The following CYRIB variants were observed in gnomAD, a reference collection of about 807,000 sequenced individuals.
CYRIB encodes CYFIP related Rac1 interactor B.
A neutral mutation model predicts 44.2 loss-of-function variants in CYRIB; 8 were observed. The observed-to-expected ratio is 0.18, with a 90% CI of 0.11 to 0.33. The LOEUF is 0.33. CYRIB is among the 10% of genes least tolerant of loss of function. The probability of loss-of-function intolerance (pLI) is 1.00; values close to 1 mark genes in which losing one functional copy is unlikely to be tolerated. For synonymous variants in CYRIB, 131 were observed against 127.2 expected (o/e 1.03, Z -0.20); for missense variants, 185 against 382.8 (o/e 0.48, Z 4.31).
intron 1 of CYRIB, among the ~76,000 whole-genome samples, chr8:129,906,655 G>A (rs1396369388): frequency 3.9e-5 from 6 of 152,178 alleles, no homozygotes; most frequent in African/African-American, 9.7e-5. Context: ...TACCATCAGA[G>A]TGAACAGGCA....
At chr8:129,999,111 A>G in intron 1 of CYRIB, among the ~76,000 whole-genome samples, 1 of 151,630 alleles carries the variant, frequency 6.6e-6, no homozygotes, top group Non-Finnish European at 1.5e-5. Flanking sequence ...GAATTGTCCC[A>G]TGCTCTGAGA....
intron 1 of CYRIB, among the ~76,000 whole-genome samples, chr8:129,989,746 T>G (rs1044146304): frequency 6.0e-5 from 9 of 151,180 alleles, no homozygotes; most frequent in African/African-American, 2.2e-4. Context: ...CTGCACCCAT[T>G]AACTCGTCAT....
intron 2 of CYRIB, among the ~76,000 whole-genome samples, chr8:129,884,246 A>T (rs1473611948): frequency 6.6e-6 from 1 of 152,098 alleles, no homozygotes; most frequent in Non-Finnish European, 1.5e-5. Flanking sequence ...AAGATTTCTA[A>T]GTTTCGGATG....
chr8:129,985,014 C>T (rs992658993), intron 1 of CYRIB, among the ~76,000 whole-genome samples: 6 of 152,150 alleles, frequency 3.9e-5, no homozygotes, highest in African/African-American at 1.4e-4. Flanking sequence ...CAGGTGATCG[C>T]CTGCCTCGGC....
chr8:129,918,751 T>C lies in CYRIB; in HGVS notation c.-49-15401A>G, dbSNP rs530841503. Among the ~76,000 whole-genome samples, 12 of 152,298 alleles carry C rather than the reference T, an allele frequency of 7.9e-5. No homozygotes were observed. In the East Asian group the frequency reaches 2.1e-3, roughly 27 times the overall value. On this transcript the variant is annotated intron_variant, in intron 1 of 11. Transcript: ENST00000519824. ...CTGAAACATCACAGTCTCCAAAGTA[T>C]AGATGCTGAATGAGTGAATAAGCAA...
chr8:129,978,201 C>A (rs1234369914), intron 1 of CYRIB, among the ~76,000 whole-genome samples: 1 of 152,146 alleles, frequency 6.6e-6, no homozygotes, highest in Non-Finnish European at 1.5e-5. Context: ...GCCACCGTGC[C>A]CAGTCTAATT....
intron 6 of CYRIB, among the ~76,000 whole-genome samples, chr8:129,854,750 T>G (rs983657266): frequency 3.3e-5 from 5 of 152,246 alleles, no homozygotes; most frequent in African/African-American, 1.2e-4. Flanking sequence ...TGCTGAAGTT[T>G]GGAATCCAGC....
At chr8:129,887,652 G>C (rs968876457) in intron 2 of CYRIB, among the ~76,000 whole-genome samples, 1 of 152,220 alleles carries the variant, frequency 6.6e-6, no homozygotes, top group Non-Finnish European at 1.5e-5. Flanking sequence ...GAGCAAGAGG[G>C]GCAGAGCTGC....
At chr8:129,869,866 C>T (rs929273104) in intron 4 of CYRIB, among the ~76,000 whole-genome samples, 9 of 151,640 alleles carry the variant, frequency 5.9e-5, no homozygotes, top group African/African-American at 1.9e-4. Context: ...GAGATAAACA[C>T]TCAATAGTAA....
intron 4 of CYRIB, among the ~76,000 whole-genome samples, chr8:129,866,809 T>C (rs1349049998): frequency 1.3e-5 from 2 of 152,342 alleles, no homozygotes; most frequent in East Asian, 1.9e-4. Flanking sequence ...CTGAAGACAC[T>C]GGCTGCTCTC....
At chr8:130,006,639 TGTATATATATAC>T (rs2097100819) in intron 1 of CYRIB, among the ~76,000 whole-genome samples, 2 of 128,910 alleles carry the variant, frequency 1.6e-5, no homozygotes, top group African/African-American at 5.7e-5. Context: ...CATATATATG[TGTATATATATAC>T]ATATATATAT....
At chr8:129,874,978 G>A (rs1202537312) in intron 3 of CYRIB, among the ~76,000 whole-genome samples, 1 of 152,106 alleles carries the variant, frequency 6.6e-6, no homozygotes, top group Non-Finnish European at 1.5e-5. Flanking sequence ...CTTAACAAAT[G>A]ACTACCTCTA....
chr8:129,884,295 A>G (rs942288887), intron 2 of CYRIB, among the ~76,000 whole-genome samples: 10 of 152,172 alleles, frequency 6.6e-5, no homozygotes, highest in African/African-American at 2.4e-4. Context: ...AAAGGATTTA[A>G]GATTTTTTTT....
chr8:129,994,213 C>T (rs561750578), intron 1 of CYRIB, among the ~76,000 whole-genome samples: 3 of 152,146 alleles, frequency 2.0e-5, no homozygotes, highest in Admixed American at 6.5e-5. Context: ...CACGAGCAGA[C>T]GGTGTCACAC....
At chr8:129,852,190 C>T in exon 8 of CYRIB, 9 of 1,556,988 alleles carry the variant, frequency 5.8e-6, no homozygotes, top group Non-Finnish European at 7.8e-6. Context: ...TGTGGCATCA[C>T]TCAAGGTTTT....
At chr8:129,869,253 G>A (rs1017501823) in intron 4 of CYRIB, among the ~76,000 whole-genome samples, 1 of 151,316 alleles carries the variant, frequency 6.6e-6, no homozygotes, top group East Asian at 1.9e-4. Context: ...GGGCATGGTG[G>A]TGCATGCCTG....
intron 1 of CYRIB, among the ~76,000 whole-genome samples, chr8:129,915,137 C>T (rs529464857): frequency 6.6e-6 from 1 of 152,296 alleles, no homozygotes; most frequent in African/African-American, 2.4e-5. Context: ...ATTCCATCTA[C>T]GTATTCATCC....
intron 1 of CYRIB, among the ~76,000 whole-genome samples, chr8:129,976,397 C>T (rs966894089): frequency 1.3e-5 from 2 of 152,084 alleles, no homozygotes; most frequent in African/African-American, 4.8e-5. Context: ...AATTCATGAC[C>T]GTTTTTCTAA....
At chr8:129,944,708 A>C (rs577654638), upstream of CYRIB, among the ~76,000 whole-genome samples, 5 of 152,120 alleles carry the variant, frequency 3.3e-5, no homozygotes, top group African/African-American at 7.2e-5. Context: ...ACTTGAGCCC[A>C]GGAGGCAGAG....
Sources: allele counts gnomAD v4.1 joint callset (sites outside exome capture counted in the v4.1 genomes callset), GRCh38; gene constraint gnomAD v4.1.1; transcripts MANE v1.5; gene names NCBI Gene and HGNC (gene_info 2026-07-23, HGNC 2026-07-21).